Variants in PITPNC1 observed in about 807,000 individuals in gnomAD.
PITPNC1 encodes cytoplasmic phosphatidylinositol transfer protein 1.
Under a neutral mutation model 44.7 loss-of-function variants are expected in PITPNC1, and 18 were observed. That is an observed-to-expected ratio of 0.40 (90% confidence interval 0.28 to 0.60). The LOEUF (loss-of-function observed/expected upper bound fraction) is 0.60. Among genes scored for constraint, PITPNC1 ranks in the 20% least tolerant of loss-of-function variants. The probability of loss-of-function intolerance (pLI) is 0.39; values close to 1 mark genes in which losing one functional copy is unlikely to be tolerated. For synonymous variants in PITPNC1, 141 were observed against 149.6 expected (o/e 0.94, Z 0.42); for missense variants, 290 against 418.4 (o/e 0.69, Z 2.68).
chr17:67,643,428 C>A (rs540107173), intron 6 of PITPNC1, among the ~76,000 whole-genome samples: 1 of 152,272 alleles, frequency 6.6e-6, no homozygotes, highest in South Asian at 2.1e-4. Flanking sequence ...ATCACCCTAT[C>A]ACCCTATATC....
At chr17:67,600,256 A>G (rs918776220) in intron 5 of PITPNC1, among the ~76,000 whole-genome samples, 8 of 152,158 alleles carry the variant, frequency 5.3e-5, no homozygotes, top group Non-Finnish European at 7.3e-5. Flanking sequence ...GGTGGAGAAA[A>G]AAAAGCAGCA....
chr17:67,614,029 G>A (rs1567738877), intron 5 of PITPNC1, among the ~76,000 whole-genome samples: 1 of 147,324 alleles, frequency 6.8e-6, no homozygotes, highest in East Asian at 2.1e-4. Flanking sequence ...TGAGGCTACA[G>A]TGACCCATGA....
chr17:67,599,030 ATATATTTTTTTTT>A (rs1169909721), intron 5 of PITPNC1, among the ~76,000 whole-genome samples: 2 of 30,204 alleles, frequency 6.6e-5, no homozygotes, highest in Non-Finnish European at 1.2e-4. Flanking sequence ...ATATATATAT[ATATATTTTTTTTT>A]TTTTTTTTTT....
chr17:67,379,023 G>A (rs1412976521), intron 1 of PITPNC1: 14 of 985,502 alleles, frequency 1.4e-5, no homozygotes, highest in Non-Finnish European at 1.7e-5. Context: ...GCGAGCTCCA[G>A]TATTCAGGAA....
Position 67,522,659 on chromosome 17 carries a change from C to CTTTTTTTTTTTTTTTTTT in PITPNC1, c.49-10129_49-10128insTTTTTTTTTTTTTTTTTT, listed in dbSNP as rs773797594. Among the ~76,000 whole-genome samples, 132 of 117,188 alleles carry CTTTTTTTTTTTTTTTTTT rather than the reference C, an allele frequency of 1.1e-3. 9 individuals are homozygous for CTTTTTTTTTTTTTTTTTT. Among genetic ancestry groups the CTTTTTTTTTTTTTTTTTT allele is most frequent in the African/African-American group, 5.3e-3 (121 of 22,798 alleles). The allele number at this position is 117,188 out of a possible 152,430, so 76.9% of individuals were successfully genotyped here. On this transcript the variant is annotated intron_variant, in intron 1 of 8. Transcript: ENST00000581322. The stretch of plus-strand genomic sequence containing the variant: ...ATATCATAAAATTTACCATTTTAAT[C>CTTTTTTTTTTTTTTTTTT]TTTTTTTTTTTTTTGGAAAATGAGG...
At chr17:67,425,193 G>GCGCGCGCGCGCGCGCACACA (rs1160522771) in intron 1 of PITPNC1, among the ~76,000 whole-genome samples, 2 of 52,120 alleles carry the variant, frequency 3.8e-5, no homozygotes, top group African/African-American at 1.0e-4. Flanking sequence ...TTGTGCGCGC[G>GCGCGCGCGCGCGCGCACACA]CACGCACACG....
chr17:67,497,468 C>T (rs138790087), intron 1 of PITPNC1, among the ~76,000 whole-genome samples: 365 of 133,446 alleles, frequency 2.7e-3, no homozygotes, highest in Non-Finnish European at 4.2e-3. Context: ...TTTAGGAAGT[C>T]GTCTTTTTTT....
chr17:67,518,586 A>G (rs952317596), intron 1 of PITPNC1, among the ~76,000 whole-genome samples: 23 of 152,190 alleles, frequency 1.5e-4, no homozygotes, highest in African/African-American at 5.5e-4. Context: ...GAGAACCTAC[A>G]GTTGACTTTA....
intron 6 of PITPNC1, among the ~76,000 whole-genome samples, chr17:67,662,383 G>T (rs2042361905): frequency 6.6e-6 from 1 of 152,120 alleles, no homozygotes; most frequent in Non-Finnish European, 1.5e-5. Flanking sequence ...GAACCCAGGA[G>T]GCGGAGGTTG....
At chr17:67,391,117 C>G (rs190211843) in intron 1 of PITPNC1, among the ~76,000 whole-genome samples, 1 of 148,308 alleles carries the variant, frequency 6.7e-6, no homozygotes, top group African/African-American at 2.6e-5. Flanking sequence ...TGAAGTTTGA[C>G]CTTCTAGAAT....
At chr17:67,519,171 G>GTTTTTTTT (rs563294178) in intron 1 of PITPNC1, among the ~76,000 whole-genome samples, 4 of 78,752 alleles carry the variant, frequency 5.1e-5, no homozygotes, top group African/African-American at 5.3e-5. Flanking sequence ...GCAGCATTCT[G>GTTTTTTTT]TTTTTTTTTT....
At chr17:67,511,380 T>C (rs551406280) in intron 1 of PITPNC1, among the ~76,000 whole-genome samples, 5 of 152,328 alleles carry the variant, frequency 3.3e-5, no homozygotes, top group African/African-American at 9.6e-5. Flanking sequence ...AGTAGCTAGG[T>C]AAAATGGTAA....
At chr17:67,651,317 A>G (rs1390985009) in intron 6 of PITPNC1, among the ~76,000 whole-genome samples, 1 of 152,192 alleles carries the variant, frequency 6.6e-6, no homozygotes, top group Non-Finnish European at 1.5e-5. Context: ...GCTTGAGACC[A>G]GCCTGGCCAA....
At chr17:67,679,273 C>A (rs73997221) in intron 8 of PITPNC1, among the ~76,000 whole-genome samples, 15,536 of 152,246 alleles carry the variant, frequency 0.1, 1,068 homozygotes, top group African/African-American at 0.18. Flanking sequence ...AAAATAAAAT[C>A]AATTTTAAAA....
chr17:67,641,900 G>C (rs73997207), intron 6 of PITPNC1, among the ~76,000 whole-genome samples: 3,928 of 151,812 alleles, frequency 0.026, 177 homozygotes, highest in African/African-American at 0.09. Flanking sequence ...TCTTATTATG[G>C]TACTGCAAGA....
intron 6 of PITPNC1, among the ~76,000 whole-genome samples, chr17:67,636,303 A>G (rs947310969): frequency 3.4e-5 from 5 of 146,130 alleles, no homozygotes; most frequent in Non-Finnish European, 7.5e-5. Context: ...AAAAAAAAAA[A>G]GCATTATCTG....
chr17:67,504,680 G>T (rs2040078273), intron 1 of PITPNC1, among the ~76,000 whole-genome samples: 1 of 151,948 alleles, frequency 6.6e-6, no homozygotes, highest in Non-Finnish European at 1.5e-5. Context: ...CAATTTTGTT[G>T]ATCCTTTCAA....
chr17:67,595,938 G>A lies in PITPNC1; in HGVS notation c.366+17681G>A, dbSNP rs79825817. On this transcript the variant is annotated intron_variant, in intron 5 of 8. Coordinates refer to ENST00000581322, the MANE Select transcript of PITPNC1 (RefSeq NM_012417.4). Reference sequence around the variant, plus strand: ...AATTTTAATTATCTTTAGCTATGCCGATCAGATGATAATAAATAGATGTTG... The same window carrying A: ...AATTTTAATTATCTTTAGCTATGCCAATCAGATGATAATAAATAGATGTTG... Among the ~76,000 whole-genome samples the A allele has an allele frequency of 7.6e-3, 1,155 of 152,210 alleles. 55 individuals carry two copies. In the East Asian group the frequency reaches 0.15, roughly 20 times the overall value.
At chr17:67,657,111 T>C (rs2042278179) in intron 6 of PITPNC1, among the ~76,000 whole-genome samples, 1 of 152,146 alleles carries the variant, frequency 6.6e-6, no homozygotes, top group Non-Finnish European at 1.5e-5. Context: ...CTGGACTATT[T>C]CAGATAAGAC....
Sources: gnomAD v4.1 joint callset for allele counts (sites outside exome capture counted in the v4.1 genomes callset) on GRCh38, gnomAD v4.1.1 for gene constraint, MANE v1.5 for transcripts, NCBI Gene and HGNC (gene_info 2026-07-23, HGNC 2026-07-21) for gene names.